The following MAP4K4 variants were observed in gnomAD, a reference collection of about 807,000 sequenced individuals.
MAP4K4 encodes the protein HPK/GCK-like kinase HGK.
Under a neutral mutation model 189.6 loss-of-function variants are expected in MAP4K4, and 38 were observed. The observed-to-expected ratio is 0.20, with a 90% CI of 0.15 to 0.26. The LOEUF (loss-of-function observed/expected upper bound fraction) is 0.26. MAP4K4 is among the 10% of genes least tolerant of loss of function. The probability of loss-of-function intolerance (pLI) is 1.00; values close to 1 mark genes in which losing one functional copy is unlikely to be tolerated. For synonymous variants in MAP4K4, 610 were observed against 624.3 expected, an observed-to-expected ratio of 0.98 and a Z score of 0.34; for missense variants, 1,054 against 1,726.9, an observed-to-expected ratio of 0.61 and a Z score of 6.91.
chr2:101,724,639 A>C (rs1372577254), intron 2 of MAP4K4, among the ~76,000 whole-genome samples: 1 of 152,242 alleles, frequency 6.6e-6, no homozygotes, highest in Non-Finnish European at 1.5e-5. Flanking sequence ...GGAGGGAATG[A>C]AAACAGGATC....
At chr2:101,773,401 C>A (rs1452393554) in intron 2 of MAP4K4, among the ~76,000 whole-genome samples, 1 of 152,256 alleles carries the variant, frequency 6.6e-6, no homozygotes, top group Non-Finnish European at 1.5e-5. Context: ...GACCTGGGTT[C>A]CCCACCCCGC....
chr2:101,763,629 G>A (rs1240146103), intron 2 of MAP4K4, among the ~76,000 whole-genome samples: 2 of 152,192 alleles, frequency 1.3e-5, no homozygotes, highest in East Asian at 3.8e-4. Context: ...ATTTCCAGAA[G>A]GTTTTAAATA....
rs530551575 is a variant in MAP4K4 at position 101,711,420 on chromosome 2, A to G, written c.123+12882A>G. Among the ~76,000 whole-genome samples, 26 of 151,860 alleles carry G rather than the reference A, an allele frequency of 1.7e-4. No homozygotes were observed. In the South Asian group the frequency reaches 5.4e-3, roughly 32 times the overall value. On this transcript the variant is annotated intron_variant, in intron 2 of 32. Coordinates refer to ENST00000324219, the Ensembl canonical transcript of MAP4K4. ...CAGGCATGCAGCACCATGCCTGGCT[A>G]ATTTTTGTATTTTTAGTAGAGATGG...
At chr2:101,773,434 G>GT (rs781324576) in intron 2 of MAP4K4, among the ~76,000 whole-genome samples, 52 of 152,286 alleles carry the variant, frequency 3.4e-4, no homozygotes, top group Non-Finnish European at 2.6e-4. Flanking sequence ...TTTTTTTCTT[G>GT]TGAGTACACA....
intron 16 of MAP4K4, among the ~76,000 whole-genome samples, chr2:101,862,794 A>T (rs1373272695): frequency 6.6e-6 from 1 of 152,230 alleles, no homozygotes; most frequent in Non-Finnish European, 1.5e-5. Flanking sequence ...CTAGGATTAT[A>T]CCAATATCTG....
At chr2:101,767,182 A>G (rs1458254038) in intron 2 of MAP4K4, among the ~76,000 whole-genome samples, 1 of 152,198 alleles carries the variant, frequency 6.6e-6, no homozygotes, top group Non-Finnish European at 1.5e-5. Flanking sequence ...TTTGTTGACT[A>G]TGAAAAGGGG....
chr2:101,751,960 CCTT>C, intron 2 of MAP4K4, among the ~76,000 whole-genome samples: 1 of 152,246 alleles, frequency 6.6e-6, no homozygotes, highest in East Asian at 1.9e-4. Flanking sequence ...TCTACTGTTT[CCTT>C]ATCAATGTTT....
At chr2:101,786,511 C>G (rs892114646) in intron 2 of MAP4K4, among the ~76,000 whole-genome samples, 9 of 152,270 alleles carry the variant, frequency 5.9e-5, no homozygotes, top group African/African-American at 1.9e-4. Context: ...TTGAGCCATT[C>G]AAGCTACGTG....
chr2:101,811,800 A>G (rs1296734726), intron 3 of MAP4K4, among the ~76,000 whole-genome samples: 1 of 151,700 alleles, frequency 6.6e-6, no homozygotes, highest in Non-Finnish European at 1.5e-5. Flanking sequence ...CAACTTACTG[A>G]CCTTCATTTT....
At chr2:101,845,888 A>G (rs748395157) in intron 12 of MAP4K4, among the ~76,000 whole-genome samples, 8 of 152,174 alleles carry the variant, frequency 5.3e-5, no homozygotes, top group Non-Finnish European at 8.8e-5. Context: ...AAAGCCCTGT[A>G]TTGATATTAT....
rs142875583 is a variant in MAP4K4 at position 101,766,186 on chromosome 2, C to T, written c.124-24534C>T. Among the ~76,000 whole-genome samples the T allele has an allele frequency of 3.4e-3, 525 of 152,194 alleles. 3 individuals carry two copies. The highest frequency in any genetic ancestry group is 0.01 in the African/African-American group (433 of 41,512). ...AATGTGGGTACCCACTATGTATGCA[C>T]GCACATATAAGAATTTGTAGATCTT... On this transcript the variant is annotated intron_variant, in intron 2 of 32. Transcript: ENST00000324219.
At chr2:101,702,807 C>G (rs2039737003) in intron 2 of MAP4K4, among the ~76,000 whole-genome samples, 1 of 152,142 alleles carries the variant, frequency 6.6e-6, no homozygotes, top group Non-Finnish European at 1.5e-5. Flanking sequence ...AGATTGAGGA[C>G]AAGGGTACCC....
At chr2:101,867,660 CT>C (rs2097855202) in intron 20 of MAP4K4, 1 of 349,410 alleles carries the variant, frequency 2.9e-6, no homozygotes, top group Non-Finnish European at 5.2e-6. Context: ...AAAGAAAAGC[CT>C]TTTTATCTCT....
At chr2:101,774,514 CTCT>C in intron 2 of MAP4K4, among the ~76,000 whole-genome samples, 1 of 152,140 alleles carries the variant, frequency 6.6e-6, no homozygotes, top group Non-Finnish European at 1.5e-5. Flanking sequence ...TGTGGGTTGT[CTCT>C]TCACTTTGTT....
chr2:101,731,350 A>G (rs1345246024), intron 2 of MAP4K4, among the ~76,000 whole-genome samples: 2 of 151,708 alleles, frequency 1.3e-5, no homozygotes, highest in Non-Finnish European at 2.9e-5. Flanking sequence ...CTCCTGACCT[A>G]GGTGATCCGC....
intron 2 of MAP4K4, among the ~76,000 whole-genome samples, chr2:101,745,632 T>C (rs996427163): frequency 1.2e-4 from 18 of 152,118 alleles, no homozygotes; most frequent in African/African-American, 4.3e-4. Context: ...ATTTAGAGCA[T>C]TGAGTCTGAA....
intron 28 of MAP4K4, among the ~76,000 whole-genome samples, chr2:101,883,232 C>G (rs1281418247): frequency 6.6e-6 from 1 of 152,218 alleles, no homozygotes; most frequent in East Asian, 1.9e-4. Flanking sequence ...AGTAAGTGAG[C>G]CCAGCTGGCC....
intron 2 of MAP4K4, among the ~76,000 whole-genome samples, chr2:101,754,646 G>T (rs187602808): frequency 4.6e-5 from 7 of 152,292 alleles, no homozygotes; most frequent in African/African-American, 1.7e-4. Flanking sequence ...GAGCCACCAC[G>T]TCCAGCCTAG....
intron 18 of MAP4K4, 134 bp from the exon 19 acceptor site, chr2:101,866,294 G>C: frequency 1.5e-6 from 1 of 670,700 alleles, no homozygotes; most frequent in Non-Finnish European, 2.4e-6. Context: ...TTAATGTTGA[G>C]TGCTGTTTAT....
Sources: gnomAD v4.1 joint callset for allele counts (sites outside exome capture counted in the v4.1 genomes callset) on GRCh38, gnomAD v4.1.1 for gene constraint, MANE v1.5 for transcripts, NCBI Gene and HGNC (gene_info 2026-07-23, HGNC 2026-07-21) for gene names.